The following SAMD3 variants were observed in gnomAD, a reference collection of about 807,000 sequenced individuals.
SAMD3 encodes the protein sterile alpha motif domain-containing protein 3.
SAMD3 carries 63 observed loss-of-function variants against 58.5 expected under a neutral mutation model. The ratio of observed to expected loss-of-function variants is 1.08; its 90% CI spans 0.88 to 1.33. The LOEUF is 1.33. Ranked by LOEUF, SAMD3 falls within the 40% of genes most tolerant of loss-of-function variation. The pLI, the probability that SAMD3 is intolerant of heterozygous loss-of-function variation, is 0.00. For synonymous variants in SAMD3, 220 were observed against 210.3 expected (o/e 1.05, Z -0.40); for missense variants, 604 against 608.4 (o/e 0.99, Z 0.08).
chr6:130,253,993 T>A (rs1400033099), intron 2 of SAMD3, among the ~76,000 whole-genome samples: 1 of 151,894 alleles, frequency 6.6e-6, no homozygotes, highest in African/African-American at 2.4e-5. Context: ...TTTGCTGTAG[T>A]TACCCATCTT....
chr6:130,231,530 C>T (rs990184586), intron 2 of SAMD3, among the ~76,000 whole-genome samples: 3 of 152,050 alleles, frequency 2.0e-5, no homozygotes, highest in Non-Finnish European at 4.4e-5. Context: ...CGCCATTGCA[C>T]TCCAGTCTGG....
intron 1 of SAMD3, among the ~76,000 whole-genome samples, chr6:130,346,843 C>T (rs1288433619): frequency 6.6e-6 from 1 of 152,198 alleles, no homozygotes. Context: ...TAGGGGTGGA[C>T]TGACACCTCA....
chr6:130,355,909 A>G (rs117510095), intron 1 of SAMD3, among the ~76,000 whole-genome samples: 2,805 of 152,358 alleles, frequency 0.018, 26 homozygotes, highest in Non-Finnish European at 0.027. Flanking sequence ...AAAGATTTAC[A>G]TCAATTAAAA....
chr6:130,255,947 C>A (rs1471231757), intron 2 of SAMD3, among the ~76,000 whole-genome samples: 1 of 151,730 alleles, frequency 6.6e-6, no homozygotes, highest in Non-Finnish European at 1.5e-5. Context: ...TAAGCAAAAA[C>A]TTACTAACAC....
intron 1 of SAMD3, among the ~76,000 whole-genome samples, chr6:130,314,257 A>G (rs1372214580): frequency 2.0e-5 from 3 of 152,190 alleles, no homozygotes. Flanking sequence ...TTATATCTTT[A>G]TCATCTGTTC....
chr6:130,220,421 T>G (rs767911034), intron 1 of SAMD3, among the ~76,000 whole-genome samples: 4 of 152,212 alleles, frequency 2.6e-5, no homozygotes, highest in East Asian at 1.9e-4. Context: ...ACAAACACCC[T>G]AGTGTTTTGG....
At chr6:130,334,132 G>T (rs1777030348) in intron 1 of SAMD3, among the ~76,000 whole-genome samples, 2 of 152,112 alleles carry the variant, frequency 1.3e-5, no homozygotes, top group African/African-American at 4.8e-5. Flanking sequence ...AAAAAACTAA[G>T]AATATTCTCT....
chr6:130,358,534 A>G lies in SAMD3; in HGVS notation c.-304+6586T>C, dbSNP rs369680666. Reference sequence around the variant, plus strand: ...CTGCTGTGTCCACAGTTGACAGAGGAGGAAAAGGGCTTGATGGTTGTTGTT... The same window carrying G: ...CTGCTGTGTCCACAGTTGACAGAGGGGGAAAAGGGCTTGATGGTTGTTGTT... On this transcript the variant is annotated intron_variant, in intron 1 of 13. Coordinates refer to the SAMD3 transcript ENST00000368134. Among the ~76,000 whole-genome samples, 332 of 152,312 alleles carry G rather than the reference A, an allele frequency of 2.2e-3. 2 individuals carry two copies. The highest frequency in any genetic ancestry group is 7.5e-3 in the African/African-American group (312 of 41,560).
chr6:130,168,358 C>T (rs995806256), intron 8 of SAMD3, among the ~76,000 whole-genome samples: 2 of 152,118 alleles, frequency 1.3e-5, no homozygotes, highest in Admixed American at 6.5e-5. Flanking sequence ...TCGCTTGAAT[C>T]CAGGAGGCAG....
chr6:130,225,528 C>T (rs932129222), upstream of SAMD3, among the ~76,000 whole-genome samples: 2 of 152,144 alleles, frequency 1.3e-5, no homozygotes, highest in Non-Finnish European at 2.9e-5. Context: ...GTAAGATAGG[C>T]ATATTAGAAA....
chr6:130,313,370 G>T (rs2037018), intron 1 of SAMD3, among the ~76,000 whole-genome samples: 63,000 of 151,966 alleles, frequency 0.41, 15,457 homozygotes, highest in African/African-American at 0.68. Flanking sequence ...CAACAGCCCC[G>T]ATCCATACAC....
At chr6:130,220,026 G>A (rs1796153224) in intron 1 of SAMD3, among the ~76,000 whole-genome samples, 1 of 152,032 alleles carries the variant, frequency 6.6e-6, no homozygotes, top group Non-Finnish European at 1.5e-5. Context: ...TTTTGAGATG[G>A]AGTCTCGCTC....
chr6:130,288,309 G>T (rs1438538533), intron 2 of SAMD3, among the ~76,000 whole-genome samples: 1 of 152,188 alleles, frequency 6.6e-6, no homozygotes, highest in Non-Finnish European at 1.5e-5. Context: ...CAATGTTGCA[G>T]TCTCAAGTTT....
At chr6:130,193,337 G>C (rs1793735629) in intron 5 of SAMD3, among the ~76,000 whole-genome samples, 1 of 151,808 alleles carries the variant, frequency 6.6e-6, no homozygotes, top group Non-Finnish European at 1.5e-5. Context: ...TCATATCTCT[G>C]CTCCCCGATC....
At chr6:130,342,958 A>G (rs1035483193) in intron 1 of SAMD3, among the ~76,000 whole-genome samples, 3 of 152,174 alleles carry the variant, frequency 2.0e-5, no homozygotes, top group Non-Finnish European at 2.9e-5. Context: ...TACAAGGAAC[A>G]AGACTTTTCT....
intron 1 of SAMD3, among the ~76,000 whole-genome samples, chr6:130,325,264 A>C (rs1368731149): frequency 6.6e-6 from 1 of 152,176 alleles, no homozygotes; most frequent in African/African-American, 2.4e-5. Flanking sequence ...GTCCCTTGAT[A>C]TGGTGTCTGC....
At position 130,278,776 on chromosome 6, in the gene SAMD3, G is replaced by A. The variant is rs373414373; in HGVS notation, c.-188+34202C>T. On this transcript the variant is annotated intron_variant, in intron 2 of 13. Coordinates refer to the SAMD3 transcript ENST00000368134. ...TTCCTGCACAATAAGGAGCTGAGAG[G>A]TTCATTCTTCCACGTGCCTGGAAAG... 7.9e-5 allele frequency among the ~76,000 whole-genome samples: 12 copies of A among 152,214 alleles called. No homozygotes were observed. The East Asian group carries it at 1.8e-3, about 22-fold the overall frequency.
intron 7 of SAMD3, among the ~76,000 whole-genome samples, chr6:130,180,676 G>A (rs1368370968): frequency 6.6e-6 from 1 of 152,088 alleles, no homozygotes; most frequent in African/African-American, 2.4e-5. Flanking sequence ...GCTTTATTCT[G>A]TAGTGTGCTT....
At chr6:130,212,986 A>G (rs1469834963) in intron 4 of SAMD3, among the ~76,000 whole-genome samples, 1 of 152,194 alleles carries the variant, frequency 6.6e-6, no homozygotes, top group Non-Finnish European at 1.5e-5. Context: ...AAATCCTTCA[A>G]ATAAATTGGT....
Sources: gnomAD v4.1 joint callset for allele counts (sites outside exome capture counted in the v4.1 genomes callset) on GRCh38, gnomAD v4.1.1 for gene constraint, MANE v1.5 for transcripts, NCBI Gene and HGNC (gene_info 2026-07-23, HGNC 2026-07-21) for gene names.